Variants in SESN2 observed in about 807,000 individuals in gnomAD.
The protein encoded by SESN2 is sestrin-2.
Under a neutral mutation model 56.0 loss-of-function variants are expected in SESN2, and 42 were observed. The observed-to-expected ratio is 0.75, with a 90% CI of 0.59 to 0.97. The LOEUF is 0.97. SESN2 is among the 50% of genes least tolerant of loss of function. The pLI is 0.00. For missense variants in SESN2, 507 were observed against 649.4 expected (o/e 0.78, Z 2.38); for synonymous variants, 264 against 267.1 (o/e 0.99, Z 0.11).
rs1388615571 is a variant in SESN2 at position 28,271,862 on chromosome 1, T to G, written c.345T>G (p.Ile115Met). 3.7e-6 allele frequency: 6 copies of G among 1,614,052 alleles called. No homozygotes were observed. Among genetic ancestry groups the G allele is most frequent in the Non-Finnish European group, 5.1e-6 (6 of 1,180,032 alleles). The change falls in exon 3 of 10, where the codon ATT (isoleucine) becomes ATG (methionine). Residue 115 changes from isoleucine to methionine, a missense_variant. Physicochemically the swap from Ile to Met is conservative, Grantham distance 10. Coordinates refer to ENST00000253063, the MANE Select transcript of SESN2 (RefSeq NM_031459.5). ...TGGCCAGCTCCTGGCGCCACTACAT[T>G]GCCATCATGGTGAGCCTCTCTGGGC... is the stretch of plus-strand genomic sequence containing the variant. ...GPLASSWRHY[I>M]AIMAAARHQC...
chr1:28,267,627 G>C (rs1274515848), intron 1 of SESN2, among the ~76,000 whole-genome samples: 4 of 152,134 alleles, frequency 2.6e-5, no homozygotes, highest in Non-Finnish European at 4.4e-5. Context: ...AACAAGACCA[G>C]TGCTGAGAGC....
At chr1:28,272,000 G>A (rs1647795965) in intron 3 of SESN2, 129 bp downstream of exon 3, 3 of 969,496 alleles carry the variant, frequency 3.1e-6, no homozygotes, top group South Asian at 3.1e-5. Flanking sequence ...TTATCTAACT[G>A]TAGAGTTTTG....
At chr1:28,278,922 C>T (rs527777058) in intron 8 of SESN2, among the ~76,000 whole-genome samples, 175 bp from the exon 9 acceptor site, 7 of 152,288 alleles carry the variant, frequency 4.6e-5, no homozygotes, top group Admixed American at 2.0e-4. Context: ...GCCAATGTGG[C>T]GGCCTGTGAT....
At chr1:28,269,540 A>G (rs941954024) in intron 2 of SESN2, among the ~76,000 whole-genome samples, 34 of 151,974 alleles carry the variant, frequency 2.2e-4, no homozygotes, top group African/African-American at 6.3e-4. Context: ...GCTTTCCCTT[A>G]AGAAGATAGA....
intron 1 of SESN2, among the ~76,000 whole-genome samples, chr1:28,260,402 G>A (rs981691994): frequency 6.6e-6 from 1 of 152,084 alleles, no homozygotes; most frequent in Non-Finnish European, 1.5e-5. Flanking sequence ...TTCCTGGGGT[G>A]CCTCCCGGCT....
In SESN2 at chr1:28,282,244, T is replaced by G. The variant is rs1276478073; in HGVS notation, c.*1442T>G. On this transcript the variant is annotated 3_prime_UTR_variant, in exon 10 of 10. Transcript: ENST00000253063. ...GAGGAGCCTGGCCAGTGTGCCACAT[T>G]AAATACCCGTGCAGGCGCGGAGAAG... 1 of 152,442 alleles carries G rather than the reference T, an allele frequency of 6.6e-6. No homozygotes were observed. Among genetic ancestry groups the G allele is most frequent in the East Asian group, 1.9e-4 (1 of 5,184 alleles). 9.4% of individuals were successfully genotyped at this position (152,442 alleles called of 1,614,324 possible).
At chr1:28,275,095 TTTG>T (rs1332679436) in intron 8 of SESN2, 80 bp downstream of exon 8, 1 of 1,096,130 alleles carries the variant, frequency 9.1e-7, no homozygotes, top group Non-Finnish European at 1.3e-6. Flanking sequence ...CCATTTTCTT[TTTG>T]TTTTTTTCTT....
intron 9 of SESN2, among the ~76,000 whole-genome samples, chr1:28,280,178 C>A (rs1648184218): frequency 6.6e-6 from 1 of 152,114 alleles, no homozygotes; most frequent in African/African-American, 2.4e-5. Context: ...GATCCTCTCA[C>A]CTCAGCCTCC....
intron 1 of SESN2, among the ~76,000 whole-genome samples, chr1:28,262,956 C>G (rs1647433097): frequency 6.6e-6 from 1 of 152,062 alleles, no homozygotes; most frequent in Non-Finnish European, 1.5e-5. Context: ...CAAACTTTCT[C>G]AGACATCATT....
intron 1 of SESN2, among the ~76,000 whole-genome samples, chr1:28,267,004 C>T (rs1647580867): frequency 6.6e-6 from 1 of 152,204 alleles, no homozygotes; most frequent in Non-Finnish European, 1.5e-5. Flanking sequence ...TATTCCTATC[C>T]TTCCCTAGCA....
intron 2 of SESN2, among the ~76,000 whole-genome samples, chr1:28,271,029 A>T (rs1647755367): frequency 6.6e-6 from 1 of 152,184 alleles, no homozygotes; most frequent in Non-Finnish European, 1.5e-5. Context: ...TAAAAAAAAA[A>T]GTTAAAAAGA....
In SESN2 at chr1:28,259,587, C is replaced by A. The variant is rs1050536085; in HGVS notation, c.-261C>A. 22 of 393,408 alleles carry A rather than the reference C, an allele frequency of 5.6e-5. No individual in the cohort carries two copies. Among genetic ancestry groups the A allele is most frequent in the Non-Finnish European group, 8.6e-5 (19 of 220,164 alleles). The allele number at this position is 393,408 out of a possible 1,614,324, so 24.4% of individuals were successfully genotyped here. A position where few individuals can be genotyped will look rare whatever the true frequency, so the allele number is the denominator to read the frequency against. On this transcript the variant is annotated 5_prime_UTR_variant, in exon 1 of 10. Transcript: ENST00000253063. ...GAGCAGCCCTGGCCCCTGCGGACTT[C>A]CGAGGCCGTGAAAACCCCTGCGCTG...
At chr1:28,270,404 G>T (rs1037410288) in intron 2 of SESN2, among the ~76,000 whole-genome samples, 11 of 150,780 alleles carry the variant, frequency 7.3e-5, no homozygotes, top group Non-Finnish European at 1.5e-4. Flanking sequence ...AATGTGTAGG[G>T]CGAGTGGTTA....
At chr1:28,261,177 C>T (rs911336209) in intron 1 of SESN2, among the ~76,000 whole-genome samples, 6 of 152,146 alleles carry the variant, frequency 3.9e-5, no homozygotes, top group Admixed American at 1.3e-4. Context: ...AACGTGGTTT[C>T]TGGGGATCCT....
At chr1:28,260,529 G>T (rs957509824) in intron 1 of SESN2, among the ~76,000 whole-genome samples, 2 of 151,958 alleles carry the variant, frequency 1.3e-5, no homozygotes, top group South Asian at 4.1e-4. Flanking sequence ...GGGGCTTGGC[G>T]GGCCGCCCGG....
intron 5 of SESN2, 41 bp downstream of exon 5, chr1:28,272,834 C>T (rs1345885062): frequency 8.3e-7 from 1 of 1,202,718 alleles, no homozygotes. Flanking sequence ...AGGAAGCGGG[C>T]ATGACCTCTG....
Position 28,273,398 on chromosome 1 carries a change from G to T in SESN2, c.791G>T (p.Arg264Leu), listed in dbSNP as rs1239081741. The change falls in exon 6 of 10, where the codon CGC becomes CTC. Residue 264 changes from arginine to leucine, a missense_variant. By Grantham distance (102) the Arg-to-Leu change is moderately radical. Transcript: ENST00000253063. Reference sequence around the variant, plus strand: ...CGCGACGTGGAGGCGCTGATGGAGCGCATGCAGCAGCTGCAGGAGAGCCTG... The same window carrying T: ...CGCGACGTGGAGGCGCTGATGGAGCTCATGCAGCAGCTGCAGGAGAGCCTG... ...SARDVEALME[R>L]MQQLQESLLR... The T allele has an allele frequency of 3.1e-6, 5 of 1,609,076 alleles. No homozygotes were observed. Among genetic ancestry groups the T allele is most frequent in the Non-Finnish European group, 3.4e-6 (4 of 1,178,162 alleles).
At chr1:28,270,025 C>G (rs1179073961) in intron 2 of SESN2, among the ~76,000 whole-genome samples, 1 of 152,126 alleles carries the variant, frequency 6.6e-6, no homozygotes, top group Non-Finnish European at 1.5e-5. Context: ...AACTAGTTTC[C>G]TCATTTTATT....
Position 28,272,406 on chromosome 1 carries a change from C to G in SESN2, c.477C>G (p.Leu159=). ...LHRAPEKLRK[L]SEINKLLAHR... Reference sequence around the variant, plus strand: ...GGGCCCCCGAGAAGCTGCGCAAACTCAGCGAGATCAACAAGTTGCTGGCGC... The same window carrying G: ...GGGCCCCCGAGAAGCTGCGCAAACTGAGCGAGATCAACAAGTTGCTGGCGC... Residue 159 remains leucine (L), a synonymous_variant, in exon 4 of 10, where the codon CTC becomes CTG. Coordinates refer to ENST00000253063, the MANE Select transcript of SESN2 (RefSeq NM_031459.5). The G allele has an allele frequency of 6.2e-7, 1 of 1,613,596 alleles. No individual in the cohort carries two copies. The highest frequency in any genetic ancestry group is 8.5e-7 in the Non-Finnish European group (1 of 1,180,030).
Sources: gnomAD v4.1 joint callset for allele counts (sites outside exome capture counted in the v4.1 genomes callset) on GRCh38, gnomAD v4.1.1 for gene constraint, MANE v1.5 for transcripts, NCBI Gene and HGNC (gene_info 2026-07-23, HGNC 2026-07-21) for gene names.